The following ABHD10 variants were observed in gnomAD, a reference collection of about 807,000 sequenced individuals.
ABHD10 encodes abhydrolase domain containing 10, depalmitoylase.
Under a neutral mutation model 33.1 loss-of-function variants are expected in ABHD10, and 22 were observed. That is an observed-to-expected ratio of 0.66 (90% CI 0.47 to 0.95). The LOEUF is 0.95. Among genes scored for constraint, ABHD10 ranks in the 40% least tolerant of loss-of-function variants. ABHD10 has a pLI of 0.00. For missense variants in ABHD10, 352 were observed against 379.9 expected (o/e 0.93, Z 0.61); for synonymous variants, 146 against 133.9 (o/e 1.09, Z -0.62).
In ABHD10 at chr3:111,986,328, AG is replaced by A; in HGVS notation, c.392del (p.Arg131LysfsTer7). ...AGAGGAAAGCACACTGGGGAAATGG[AG>A]AAAAGATGTTCTTTCTATAATTGAT... is the stretch of plus-strand genomic sequence containing the variant. ...NSEESTLGKW[R>X]KDVLSIIDDL... On this transcript the variant is annotated frameshift_variant, in exon 3 of 5. Transcript: ENST00000273359. LOFTEE classifies it high-confidence loss of function. The A allele has an allele frequency of 6.2e-7, 1 of 1,614,060 alleles. No individual in the cohort carries two copies. Among genetic ancestry groups the A allele is most frequent in the Non-Finnish European group, 8.5e-7 (1 of 1,179,942 alleles).
rs1373365510 is a variant in ABHD10, at chr3:111,979,078, T to C, written c.17T>C (p.Leu6Ser). 3 of 1,613,198 alleles carry C rather than the reference T, an allele frequency of 1.9e-6. No homozygotes were observed. In the African/African-American group the frequency reaches 4.0e-5, roughly 22 times the overall value. MAVAR[L>S]AAVAAWVPCR... Reference sequence around the variant, plus strand: ...ACTACGAAGATGGCGGTTGCGCGCTTGGCAGCTGTGGCGGCCTGGGTACCT... The same window carrying C: ...ACTACGAAGATGGCGGTTGCGCGCTCGGCAGCTGTGGCGGCCTGGGTACCT... Residue 6 changes from leucine to serine, a missense_variant, in exon 1 of 5, where the codon TTG becomes TCG. Physicochemically the swap from Leu to Ser is moderately radical, Grantham distance 145. Transcript: ENST00000273359.
At chr3:111,989,236 C>G (rs992450183) in intron 4 of ABHD10, among the ~76,000 whole-genome samples, 1 of 152,218 alleles carries the variant, frequency 6.6e-6, no homozygotes, top group Non-Finnish European at 1.5e-5. Context: ...TCCTCTTTAA[C>G]TGACTCTAAT....
intron 1 of ABHD10, among the ~76,000 whole-genome samples, chr3:111,979,452 C>T (rs955420108): frequency 2.0e-5 from 3 of 152,214 alleles, no homozygotes; most frequent in Non-Finnish European, 4.4e-5. Flanking sequence ...TTAAAGAGCT[C>T]CTGCTCCTTA....
intron 2 of ABHD10, 137 bp downstream of exon 2, chr3:111,982,104 AT>A: frequency 1.4e-6 from 1 of 739,050 alleles, no homozygotes; most frequent in Non-Finnish European, 1.9e-6. Context: ...GCATCTTGTG[AT>A]TTAGGGTAAT....
In ABHD10 at chr3:111,986,951, T is replaced by C. The variant is rs751433681; in HGVS notation, c.476T>C (p.Leu159Pro). The C allele has an allele frequency of 1.3e-5, 21 of 1,612,454 alleles. No homozygotes were observed. In the South Asian group the frequency reaches 2.2e-4, roughly 17 times the overall value. The stretch of plus-strand genomic sequence containing the variant: ...TCTAGCCTTGGAGGGTGGCTTATGC[T>C]TCATGCTGCAATTGCACGACCAGAG... ...VGSSLGGWLM[L>P]HAAIARPEKV... The change falls in exon 4 of 5, where the codon CTT becomes CCT. Residue 159 changes from leucine to proline, a missense_variant. Coordinates refer to ENST00000273359, the MANE Select transcript of ABHD10 (RefSeq NM_018394.4).
intron 4 of ABHD10, 140 bp from the exon 5 acceptor site, chr3:111,991,237 T>A: frequency 1.5e-6 from 1 of 663,118 alleles, no homozygotes; most frequent in South Asian, 2.1e-5. Context: ...TAGTAATTAT[T>A]GATAATTATT....
chr3:111,992,060 AT>A lies in ABHD10; in HGVS notation c.*343del, dbSNP rs1336192831. ...TTAGGATTATTAATAAAGCGTGAAT[AT>A]TTTGTTTTTTATTATAGACAGAAAT... On this transcript the variant is annotated 3_prime_UTR_variant, in exon 5 of 5. Transcript: ENST00000273359. 6.0e-6 allele frequency: 1 copy of A among 165,852 alleles called. No individual in the cohort carries two copies. The highest frequency in any genetic ancestry group is 1.3e-5 in the Non-Finnish European group (1 of 77,690). 10.3% of individuals were successfully genotyped at this position (165,852 alleles called of 1,614,324 possible). A position where few individuals can be genotyped will look rare whatever the true frequency, so the allele number is the denominator to read the frequency against.
intron 1 of ABHD10, 30 bp downstream of exon 1, chr3:111,979,233 C>G (rs766699335): frequency 6.4e-7 from 1 of 1,571,252 alleles, no homozygotes; most frequent in African/African-American, 1.4e-5. Context: ...GAGTAGGATG[C>G]GTTCTTTCGA....
chr3:111,982,759 A>G (rs937676171), intron 2 of ABHD10, among the ~76,000 whole-genome samples: 1 of 152,186 alleles, frequency 6.6e-6, no homozygotes, highest in Admixed American at 6.5e-5. Flanking sequence ...CTAAAAATCT[A>G]TCCATCTAAA....
Position 111,992,476 on chromosome 3 carries a change from T to G in ABHD10, c.*755T>G, listed in dbSNP as rs2072754007. The G allele has an allele frequency of 6.6e-6, 1 of 151,994 alleles. No homozygotes were observed. The highest frequency in any genetic ancestry group is 2.4e-5 in the African/African-American group (1 of 41,430). 9.4% of individuals were successfully genotyped at this position (151,994 alleles called of 1,614,324 possible). On this transcript the variant is annotated 3_prime_UTR_variant, in exon 5 of 5. Transcript: ENST00000273359. Reference sequence around the variant, plus strand: ...TATTTCTTGCAGAAACATTCATTATTTTATTAATATTGCCCTAAGTACAAC... The same window carrying G: ...TATTTCTTGCAGAAACATTCATTATGTTATTAATATTGCCCTAAGTACAAC...
chr3:111,985,750 A>C (rs1289374882), intron 2 of ABHD10, among the ~76,000 whole-genome samples: 1 of 143,970 alleles, frequency 6.9e-6, no homozygotes. Flanking sequence ...AGAGTATGCC[A>C]TGTGGAGAGA....
intron 1 of ABHD10, 90 bp downstream of exon 1, chr3:111,979,293 C>T (rs2072546207): frequency 1.4e-6 from 2 of 1,427,478 alleles, no homozygotes; most frequent in African/African-American, 1.4e-5. Flanking sequence ...GTCTTTGGCG[C>T]CCGGTTCAAA....
At chr3:111,980,470 C>T (rs980943390) in intron 1 of ABHD10, among the ~76,000 whole-genome samples, 12 of 151,956 alleles carry the variant, frequency 7.9e-5, no homozygotes, top group Non-Finnish European at 1.0e-4. Context: ...AAGTGGAGGA[C>T]GGCTTCATTT....
At chr3:111,988,617 G>A (rs7619171) in intron 4 of ABHD10, among the ~76,000 whole-genome samples, 1 of 151,572 alleles carries the variant, frequency 6.6e-6, no homozygotes, top group Non-Finnish European at 1.5e-5. Context: ...GGGTTTTTAG[G>A]GTATCTCTGT....
At chr3:111,989,875 T>C (rs1293207953) in intron 4 of ABHD10, among the ~76,000 whole-genome samples, 1 of 152,060 alleles carries the variant, frequency 6.6e-6, no homozygotes, top group African/African-American at 2.4e-5. Flanking sequence ...ACATATAGAT[T>C]ATATTATGTC....
intron 1 of ABHD10, among the ~76,000 whole-genome samples, chr3:111,981,254 G>A (rs770245843): frequency 1.3e-4 from 19 of 146,518 alleles, no homozygotes; most frequent in Non-Finnish European, 2.2e-4. Flanking sequence ...CCAGGCTGCC[G>A]TAAGCTAGGA....
rs1318750264 is a variant in ABHD10, at chr3:111,991,629, A to G, written c.829A>G (p.Ser277Gly). Reference sequence around the variant, plus strand: ...TGTGGATGTCATCCTCCGAAAACACAGTGATCACCGAATGAGGGAAAAAGC... The same window carrying G: ...TGTGGATGTCATCCTCCGAAAACACGGTGATCACCGAATGAGGGAAAAAGC... ...TDVDVILRKHSDHRMREKADI... is the reference protein window; with the variant it reads ...TDVDVILRKHGDHRMREKADI... Residue 277 changes from serine (S) to glycine (G), a missense_variant, in exon 5 of 5, where the codon AGT becomes GGT. By Grantham distance (56) the Ser-to-Gly change is moderately conservative. Transcript: ENST00000273359. 1.2e-6 allele frequency: 2 copies of G among 1,614,074 alleles called. No individual in the cohort carries two copies.
chr3:111,983,086 AG>A (rs1441495678), intron 2 of ABHD10, among the ~76,000 whole-genome samples: 1 of 152,132 alleles, frequency 6.6e-6, no homozygotes, highest in African/African-American at 2.4e-5. Flanking sequence ...CCTTTCATTC[AG>A]GGTGGGGAAA....
rs2072743072 is a variant in ABHD10, at chr3:111,991,793, C to T, written c.*72C>T. The T allele has an allele frequency of 8.2e-7, 1 of 1,219,748 alleles. No individual in the cohort carries two copies. The highest frequency in any genetic ancestry group is 2.8e-5 in the Admixed American group (1 of 35,282). The allele number at this position is 1,219,748 out of a possible 1,614,324, so 75.6% of individuals were successfully genotyped here. A position where few individuals can be genotyped will look rare whatever the true frequency, so the allele number is the denominator to read the frequency against. ...GAAGAGGGATAAGAAATGAAAGATC[C>T]TGATACTTTAGGTTTTTCCCTTTCC... On this transcript the variant is annotated 3_prime_UTR_variant, in exon 5 of 5. Coordinates refer to ENST00000273359, the MANE Select transcript of ABHD10 (RefSeq NM_018394.4).
Sources: gnomAD v4.1 joint callset for allele counts (sites outside exome capture counted in the v4.1 genomes callset) on GRCh38, gnomAD v4.1.1 for gene constraint, MANE v1.5 for transcripts, NCBI Gene and HGNC (gene_info 2026-07-23, HGNC 2026-07-21) for gene names.